Variants in TENM2 observed in about 807,000 individuals in gnomAD.
TENM2 encodes teneurin-2.
In TENM2, 52 loss-of-function variants were observed where a neutral mutation model predicts 245.2. The ratio of observed to expected loss-of-function variants is 0.21; its 90% CI spans 0.17 to 0.27. TENM2 has a LOEUF of 0.27. TENM2 is among the 10% of genes least tolerant of loss of function. The pLI, the probability that TENM2 is intolerant of heterozygous loss-of-function variation, is 1.00. For missense variants in TENM2, 3,046 were observed against 3,666.8 expected, an observed-to-expected ratio of 0.83 and a Z score of 4.37; for synonymous variants, 1,363 against 1,438.9, an observed-to-expected ratio of 0.95 and a Z score of 1.19.
At chr5:168,052,661 G>A (rs921812229) in intron 6 of TENM2, among the ~76,000 whole-genome samples, 2 of 152,006 alleles carry the variant, frequency 1.3e-5, no homozygotes, top group African/African-American at 4.8e-5. Context: ...AAGGGCCAAT[G>A]TGTACACCAA....
At chr5:167,929,067 AAG>A (rs1340243428) in intron 3 of TENM2, among the ~76,000 whole-genome samples, 14 of 12,486 alleles carry the variant, frequency 1.1e-3, no homozygotes, top group African/African-American at 4.8e-3. Flanking sequence ...GAGAGAAAGA[AAG>A]AAAGAAAGAA....
chr5:167,723,309 C>G (rs1352811390), intron 2 of TENM2, among the ~76,000 whole-genome samples: 4 of 152,136 alleles, frequency 2.6e-5, no homozygotes, highest in Non-Finnish European at 5.9e-5. Flanking sequence ...TCTAGTGCCA[C>G]TCTCTCCCTT....
chr5:168,151,849 T>C (rs1756682934), intron 12 of TENM2, among the ~76,000 whole-genome samples: 1 of 152,222 alleles, frequency 6.6e-6, no homozygotes, highest in East Asian at 1.9e-4. Context: ...CACCTCTGCC[T>C]CTGGGACAGC....
rs142553386 is a variant in TENM2, at chr5:168,115,895, A to G, written c.1814-2397A>G. On this transcript the variant is annotated intron_variant, in intron 9 of 28. Transcript: ENST00000518659. Reference sequence around the variant, plus strand: ...TCAGGGGAACAAGATGCCGTGATCAATTAGTGATGTCTGTAGAGGTGTGGG... The same window carrying G: ...TCAGGGGAACAAGATGCCGTGATCAGTTAGTGATGTCTGTAGAGGTGTGGG... Among the ~76,000 whole-genome samples the G allele has an allele frequency of 1.8e-4, 27 of 152,260 alleles. 1 individual carries two copies. The East Asian group carries it at 4.2e-3, about 24-fold the overall frequency.
At chr5:167,404,319 G>A (rs977807810) in intron 2 of TENM2, among the ~76,000 whole-genome samples, 4 of 152,012 alleles carry the variant, frequency 2.6e-5, no homozygotes, top group Admixed American at 6.6e-5. Flanking sequence ...ACTAATGATG[G>A]TGATTTGGGG....
chr5:168,258,841 A>C (rs905047806), intron 27 of TENM2, among the ~76,000 whole-genome samples: 1 of 152,192 alleles, frequency 6.6e-6, no homozygotes, highest in Non-Finnish European at 1.5e-5. Context: ...TGAATTGTGC[A>C]CTTTCAAATG....
the TENM2 span, among the ~76,000 whole-genome samples, chr5:167,256,126 TG>T: frequency 1.3e-5 from 2 of 152,156 alleles, no homozygotes; most frequent in Non-Finnish European, 2.9e-5. Context: ...GTGCCCACCC[TG>T]TAAGTGATGA....
intron 2 of TENM2, among the ~76,000 whole-genome samples, chr5:167,707,306 G>A (rs1758602926): frequency 6.6e-6 from 1 of 152,100 alleles, no homozygotes; most frequent in Non-Finnish European, 1.5e-5. Flanking sequence ...AGTTCCTTAT[G>A]TATTTTGGAT....
intron 2 of TENM2, among the ~76,000 whole-genome samples, chr5:167,657,372 C>T (rs1754914509): frequency 6.6e-6 from 1 of 152,146 alleles, no homozygotes; most frequent in African/African-American, 2.4e-5. Flanking sequence ...TTTTCTTTAT[C>T]CATTCATCTG....
At chr5:167,623,491 C>T (rs985654441) in intron 2 of TENM2, among the ~76,000 whole-genome samples, 1 of 152,120 alleles carries the variant, frequency 6.6e-6, no homozygotes, top group Non-Finnish European at 1.5e-5. Context: ...TACAATCTTG[C>T]TGTCTGAATG....
At chr5:168,077,051 CT>C (rs1339609593) in intron 7 of TENM2, among the ~76,000 whole-genome samples, 1 of 152,204 alleles carries the variant, frequency 6.6e-6, no homozygotes, top group Non-Finnish European at 1.5e-5. Flanking sequence ...TATGTAACCT[CT>C]CTGTGTCTCA....
At chr5:167,901,612 T>C (rs1385897877) in intron 3 of TENM2, among the ~76,000 whole-genome samples, 2 of 152,192 alleles carry the variant, frequency 1.3e-5, no homozygotes, top group African/African-American at 4.8e-5. Flanking sequence ...AGGAATAAAT[T>C]AGTGCATTGA....
At chr5:167,589,699 G>A (rs1430578778) in intron 2 of TENM2, among the ~76,000 whole-genome samples, 1 of 151,876 alleles carries the variant, frequency 6.6e-6, no homozygotes, top group Non-Finnish European at 1.5e-5. Context: ...ACTTAAACAG[G>A]TGAATATTTA....
chr5:168,221,206 G>A (rs1486199000), intron 23 of TENM2, among the ~76,000 whole-genome samples: 2 of 152,160 alleles, frequency 1.3e-5, no homozygotes, highest in Admixed American at 6.5e-5. Flanking sequence ...GTTACAGGGG[G>A]CAGAGTACAA....
intron 2 of TENM2, among the ~76,000 whole-genome samples, chr5:167,515,675 A>G (rs1018418442): frequency 6.7e-6 from 1 of 148,600 alleles, no homozygotes; most frequent in East Asian, 2.0e-4. Context: ...ATATGTGTAT[A>G]TATATTTTGA....
intron 17 of TENM2, among the ~76,000 whole-genome samples, chr5:168,201,116 G>T (rs1426165314): frequency 2.0e-5 from 3 of 152,010 alleles, no homozygotes; most frequent in African/African-American, 7.2e-5. Context: ...GGGTAAGAAA[G>T]TTGCCCAAGA....
intron 2 of TENM2, among the ~76,000 whole-genome samples, chr5:167,604,109 T>C (rs1404598936): frequency 2.6e-5 from 4 of 151,728 alleles, no homozygotes. Flanking sequence ...TTTAAAAAGA[T>C]AAAAAGAGGT....
At chr5:167,460,454 T>C (rs980005200) in intron 2 of TENM2, among the ~76,000 whole-genome samples, 1 of 152,204 alleles carries the variant, frequency 6.6e-6, no homozygotes, top group Admixed American at 6.5e-5. Flanking sequence ...GCTTAAAAAC[T>C]GTGAAGGGTT....
At chr5:167,416,201 G>A (rs1763160254) in intron 2 of TENM2, among the ~76,000 whole-genome samples, 1 of 152,204 alleles carries the variant, frequency 6.6e-6, no homozygotes, top group African/African-American at 2.4e-5. Context: ...GAATAAGCCA[G>A]TGTGTGGATG....
Sources: gnomAD v4.1 joint callset for allele counts (sites outside exome capture counted in the v4.1 genomes callset) on GRCh38, gnomAD v4.1.1 for gene constraint, MANE v1.5 for transcripts, NCBI Gene and HGNC (gene_info 2026-07-23, HGNC 2026-07-21) for gene names.